BRF1: variants seen among roughly 807,000 people sequenced by gnomAD.
BRF1 encodes the protein transcription factor IIIB 90 kDa subunit.
A neutral mutation model predicts 81.7 loss-of-function variants in BRF1; 59 were observed. The observed-to-expected ratio is 0.72, with a 90% CI of 0.59 to 0.90. The LOEUF is 0.90. BRF1 is among the 40% of genes least tolerant of loss of function. The probability of loss-of-function intolerance (pLI) is 0.00; values close to 1 mark genes in which losing one functional copy is unlikely to be tolerated. For synonymous variants in BRF1, 491 were observed against 395.6 expected (o/e 1.24, Z -2.86); for missense variants, 1,050 against 936.3 (o/e 1.12, Z -1.58).
At chr14:105,273,986 G>A (rs892757655) in intron 2 of BRF1, among the ~76,000 whole-genome samples, 1 of 152,208 alleles carries the variant, frequency 6.6e-6, no homozygotes, top group African/African-American at 2.4e-5. Context: ...CTGCCCCTGG[G>A]AACTGAATGT....
At chr14:105,249,271 G>A in intron 5 of BRF1, 1 of 1,564,204 alleles carries the variant, frequency 6.4e-7, no homozygotes, top group Non-Finnish European at 8.6e-7. Context: ...GCCCCTCTCG[G>A]AACGCGTGCC....
At position 105,286,509 on chromosome 14, in the gene BRF1, CCCGCACCT is replaced by C. The variant is rs1252342562; in HGVS notation, c.185-141_185-134del. 51 of 871,940 alleles carry C rather than the reference CCCGCACCT, an allele frequency of 5.8e-5. 2 individuals are homozygous for C. The highest frequency in any genetic ancestry group is 4.0e-4 in the African/African-American group (24 of 60,234). The allele number at this position is 871,940 out of a possible 1,614,324, so 54.0% of individuals were successfully genotyped here. On this transcript the variant is annotated intron_variant, in intron 1 of 17. Coordinates refer to ENST00000547530, the MANE Select transcript of BRF1 (RefSeq NM_001519.4). ...CATGGGGGAAGCAGCAGGTCGGCCCCCCGCACCTCCGTCACTGAGCCAGGAACCCCAGT... is the reference window on the plus strand; with the variant it reads ...CATGGGGGAAGCAGCAGGTCGGCCCCCCGTCACTGAGCCAGGAACCCCAGT...
intron 12 of BRF1, chr14:105,219,504 C>T: frequency 1.6e-6 from 1 of 617,506 alleles, no homozygotes; most frequent in Non-Finnish European, 2.7e-6. Flanking sequence ...AGGACCCTGG[C>T]CAGCCAGAGT....
intron 1 of BRF1, among the ~76,000 whole-genome samples, chr14:105,313,549 C>G (rs1370238207): frequency 6.6e-6 from 1 of 152,236 alleles, no homozygotes; most frequent in Non-Finnish European, 1.5e-5. Flanking sequence ...ACAGGAGTTA[C>G]AGCTGGAGGC....
intron 5 of BRF1, chr14:105,241,731 C>A: frequency 2.4e-6 from 1 of 421,244 alleles, no homozygotes; most frequent in East Asian, 4.7e-5. Flanking sequence ...TCCCTCCAGA[C>A]CATGCAGACA....
intron 11 of BRF1, 135 bp from the exon 12 acceptor site, chr14:105,220,265 T>C (rs1374243031): frequency 2.2e-6 from 2 of 917,866 alleles, no homozygotes; most frequent in Non-Finnish European, 3.4e-6. Flanking sequence ...TCTGCACTGG[T>C]GGGTCGCGCC....
intron 1 of BRF1, among the ~76,000 whole-genome samples, chr14:105,295,113 G>A (rs2057679170): frequency 6.6e-6 from 1 of 151,930 alleles, no homozygotes; most frequent in Non-Finnish European, 1.5e-5. Flanking sequence ...CCCAAGACAA[G>A]GACGTTACAG....
intron 2 of BRF1, among the ~76,000 whole-genome samples, chr14:105,282,647 A>T (rs1178442859): frequency 1.3e-5 from 2 of 152,180 alleles, no homozygotes; most frequent in African/African-American, 4.8e-5. Context: ...AGTAAGATAA[A>T]TACAGCCAGG....
In BRF1 at chr14:105,300,949, G is replaced by A. The variant is rs1377530767; in HGVS notation, c.-320C>T. ...TCGGAGGGGCGACCTGCGGGGGCTG[G>A]GCTTCGGCGGAACCCGAGCGGGGCC... is the stretch of plus-strand genomic sequence containing the variant. On this transcript the variant is annotated 5_prime_UTR_variant, in exon 1 of 18. Transcript: ENST00000547530. 1 of 155,230 alleles carries A rather than the reference G, an allele frequency of 6.4e-6. No individual in the cohort carries two copies. Among genetic ancestry groups the A allele is most frequent in the African/African-American group, 2.4e-5 (1 of 41,496 alleles). 9.6% of individuals were successfully genotyped at this position (155,230 alleles called of 1,614,324 possible). A position where few individuals can be genotyped will look rare whatever the true frequency, so the allele number is the denominator to read the frequency against.
intron 6 of BRF1, among the ~76,000 whole-genome samples, chr14:105,229,643 C>G (rs587770202): frequency 6.6e-6 from 1 of 150,936 alleles, no homozygotes; most frequent in Non-Finnish European, 1.5e-5. Flanking sequence ...CAGCTGGGGG[C>G]GGGGGACAGC....
intron 1 of BRF1, among the ~76,000 whole-genome samples, chr14:105,297,048 C>T (rs2057777711): frequency 1.3e-5 from 2 of 151,792 alleles, no homozygotes; most frequent in African/African-American, 2.4e-5. Context: ...ATCACAGCTA[C>T]TTGGGAGGCT....
intron 2 of BRF1, among the ~76,000 whole-genome samples, chr14:105,278,776 G>A (rs1412100493): frequency 6.6e-6 from 1 of 152,098 alleles, no homozygotes; most frequent in Admixed American, 6.5e-5. Flanking sequence ...CGTGCGCAGT[G>A]GCTCATGCCG....
chr14:105,215,019 G>C (rs1156568467), intron 15 of BRF1, among the ~76,000 whole-genome samples: 1 of 152,208 alleles, frequency 6.6e-6, no homozygotes, highest in South Asian at 2.1e-4. Flanking sequence ...GGGGGTGGGA[G>C]TGTGGGGGGT....
Position 105,217,654 on chromosome 14 carries a change from C to T in BRF1, c.1662G>A (p.Pro554=), listed in dbSNP as rs368636007. ...RGLSSAGGGS[P]HREDAQPEHS... ...GCTCGGGCTGTGCATCCTCCCTGTG[C>T]GGACTGCCCCCGCCGGCGCTGCTGA... Residue 554 remains proline (P), a synonymous_variant, in exon 15 of 18, where the codon CCG becomes CCA. Transcript: ENST00000547530. 46 of 1,613,116 alleles carry T rather than the reference C, an allele frequency of 2.9e-5. No homozygotes were observed. Among genetic ancestry groups the T allele is most frequent in the Middle Eastern group, 1.6e-4 (1 of 6,084 alleles).
intron 5 of BRF1, among the ~76,000 whole-genome samples, chr14:105,251,511 C>T (rs2055613662): frequency 6.6e-6 from 1 of 152,210 alleles, no homozygotes; most frequent in South Asian, 2.1e-4. Context: ...TCTGCATACC[C>T]TGTAGGCAGT....
At chr14:105,304,214 AGGCTCGGT>A (rs990750690), upstream of BRF1, among the ~76,000 whole-genome samples, 1 of 152,198 alleles carries the variant, frequency 6.6e-6, no homozygotes, top group Non-Finnish European at 1.5e-5. Flanking sequence ...GGTTTCAGCC[AGGCTCGGT>A]GGCTCAGGAC....
At chr14:105,226,505 G>A in intron 8 of BRF1, 129 bp downstream of exon 8, 4 of 1,524,322 alleles carry the variant, frequency 2.6e-6, no homozygotes, top group Non-Finnish European at 3.5e-6. Context: ...GCTCTGGCTG[G>A]TCATAGCACT....
chr14:105,215,451 T>A (rs1295609898), intron 15 of BRF1, among the ~76,000 whole-genome samples: 2 of 148,510 alleles, frequency 1.3e-5, no homozygotes, highest in East Asian at 2.0e-4. Context: ...AGGCACACAC[T>A]GTGTGCAGAC....
At chr14:105,246,951 C>T in intron 5 of BRF1, 8 of 985,444 alleles carry the variant, frequency 8.1e-6, no homozygotes, top group Non-Finnish European at 9.6e-6. Context: ...TATTCCTTCT[C>T]ACTGCATTCC....
Sources: gnomAD v4.1 joint callset for allele counts (sites outside exome capture counted in the v4.1 genomes callset) on GRCh38, gnomAD v4.1.1 for gene constraint, MANE v1.5 for transcripts, NCBI Gene and HGNC (gene_info 2026-07-23, HGNC 2026-07-21) for gene names.